SEMA4F: variants seen among roughly 807,000 people sequenced by gnomAD.
SEMA4F encodes the protein ssemaphorin 4F.
A neutral mutation model predicts 78.4 loss-of-function variants in SEMA4F; 51 were observed. The observed-to-expected ratio is 0.65, with a 90% confidence interval of 0.52 to 0.82. The LOEUF (loss-of-function observed/expected upper bound fraction) is 0.82, where lower values mean the gene tolerates loss of function less well. Ranked by LOEUF, SEMA4F falls within the 40% of genes least tolerant of loss-of-function variation. The probability of loss-of-function intolerance (pLI) is 0.00; values close to 1 mark genes in which losing one functional copy is unlikely to be tolerated. For synonymous variants in SEMA4F, 418 were observed against 408.7 expected (o/e 1.02, Z -0.27); for missense variants, 938 against 1,014.4 (o/e 0.92, Z 1.02).
the SEMA4F span, among the ~76,000 whole-genome samples, chr2:74,696,596 C>G: frequency 2.0e-5 from 3 of 152,114 alleles, no homozygotes; most frequent in Admixed American, 1.3e-4. Flanking sequence ...GATAAAAAAA[C>G]TACCAGTTGG....
At chr2:74,689,137 A>G in the SEMA4F span, among the ~76,000 whole-genome samples, 1 of 152,216 alleles carries the variant, frequency 6.6e-6, no homozygotes, top group Admixed American at 6.5e-5. Context: ...CAGCTTGAGA[A>G]ACAGGTTTGG....
chr2:74,694,409 T>C, the SEMA4F span, among the ~76,000 whole-genome samples: 1 of 152,174 alleles, frequency 6.6e-6, no homozygotes, highest in East Asian at 1.9e-4. Flanking sequence ...TTTTGAACTC[T>C]TTTTACAAAA....
rs1295664638 is a variant in SEMA4F, at chr2:74,675,039, A to G, written c.1149+4A>G. ...GCCCCAGCCCAGACCTGGAGAGGTGAGGGGGCAGATCTTCATTCTAGGCCT... is the reference window on the plus strand; with the variant it reads ...GCCCCAGCCCAGACCTGGAGAGGTGGGGGGGCAGATCTTCATTCTAGGCCT... On this transcript the variant is annotated splice_donor_region_variant and intron_variant, in intron 9 of 13. Coordinates refer to ENST00000357877, the MANE Select transcript of SEMA4F (RefSeq NM_004263.5). The G allele has an allele frequency of 4.3e-6, 7 of 1,613,984 alleles. No individual in the cohort carries two copies. Among genetic ancestry groups the G allele is most frequent in the East Asian group, 2.2e-5 (1 of 44,870 alleles).
the SEMA4F span, among the ~76,000 whole-genome samples, chr2:74,706,199 TTA>T: frequency 5.3e-5 from 8 of 152,218 alleles, no homozygotes; most frequent in Admixed American, 3.9e-4. Context: ...GCATGGGATA[TTA>T]TGTTTCCAGT....
intron 1 of SEMA4F, among the ~76,000 whole-genome samples, chr2:74,654,723 C>G (rs1277586345): frequency 1.3e-5 from 2 of 152,204 alleles, no homozygotes; most frequent in Non-Finnish European, 2.9e-5. Flanking sequence ...CCCTCAGCCC[C>G]TCATCCCCAG....
chr2:74,676,889 G>T (rs912238633), intron 12 of SEMA4F, among the ~76,000 whole-genome samples: 28 of 152,002 alleles, frequency 1.8e-4, no homozygotes, highest in African/African-American at 6.8e-4. Flanking sequence ...TACTAGATAA[G>T]GAGTTTTTTG....
rs758283049 is a variant in SEMA4F at position 74,679,999 on chromosome 2, C to A, written c.2103C>A (p.Asp701Glu). The A allele has an allele frequency of 1.2e-6, 2 of 1,614,176 alleles. No homozygotes were observed. The highest frequency in any genetic ancestry group is 4.5e-5 in the East Asian group (2 of 44,878). The change falls in exon 14 of 14, where the codon GAC becomes GAA. Residue 701 changes from aspartate to glutamate, a missense_variant. Asp to Glu is a conservative substitution (Grantham distance 45). Coordinates refer to ENST00000357877, the MANE Select transcript of SEMA4F (RefSeq NM_004263.5). The part of the protein sequence containing the change: ...ELLARDKVGL[D>E]LGAPPSGTTS... The stretch of plus-strand genomic sequence containing the variant: ...TGGCTAGAGACAAGGTGGGCCTGGA[C>A]CTGGGGGCTCCACCTTCTGGGACCA...
chr2:74,662,315 C>T (rs1318818625), intron 4 of SEMA4F, among the ~76,000 whole-genome samples: 9 of 152,138 alleles, frequency 5.9e-5, no homozygotes, highest in Admixed American at 4.6e-4. Flanking sequence ...CTAAGGTTTC[C>T]AGTCCTCAGG....
chr2:74,685,318 G>A (rs1352551197), downstream of SEMA4F, among the ~76,000 whole-genome samples: 1 of 152,148 alleles, frequency 6.6e-6, no homozygotes, highest in Non-Finnish European at 1.5e-5. Flanking sequence ...CCCCAGGATT[G>A]CAAGAAGGGC....
chr2:74,690,904 C>T, the SEMA4F span, among the ~76,000 whole-genome samples: 2 of 152,132 alleles, frequency 1.3e-5, no homozygotes, highest in South Asian at 4.1e-4. Context: ...TGTAGTTTTC[C>T]TTCCTTCTGT....
At chr2:74,656,169 TG>T (rs200869445) in intron 1 of SEMA4F, among the ~76,000 whole-genome samples, 2,233 of 151,962 alleles carry the variant, frequency 0.015, 26 homozygotes, top group Middle Eastern at 0.027. Context: ...CCACCTTGCC[TG>T]GCTAATTTTT....
intron 4 of SEMA4F, 87 bp from the exon 5 acceptor site, chr2:74,662,645 C>T: frequency 1.9e-6 from 2 of 1,077,548 alleles, no homozygotes; most frequent in Admixed American, 3.4e-5. Context: ...TGGGAATTGA[C>T]CTTTTCCTTC....
the SEMA4F span, among the ~76,000 whole-genome samples, chr2:74,701,927 T>C: frequency 2.0e-5 from 3 of 152,152 alleles, no homozygotes; most frequent in Non-Finnish European, 4.4e-5. Context: ...ATTCCAGCCG[T>C]TGAGCAATTG....
At position 74,657,775 on chromosome 2, in the gene SEMA4F, A is replaced by G; in HGVS notation, c.358-78A>G. Reference sequence around the variant, plus strand: ...CCATCATCTCTGATCCCAAAGCTGCATCTAACTGTCCTGACGTTACCTTAC... The same window carrying G: ...CCATCATCTCTGATCCCAAAGCTGCGTCTAACTGTCCTGACGTTACCTTAC... On this transcript the variant is annotated intron_variant, in intron 3 of 13. Coordinates refer to ENST00000357877, the MANE Select transcript of SEMA4F (RefSeq NM_004263.5). 4 of 1,446,856 alleles carry G rather than the reference A, an allele frequency of 2.8e-6. 1 individual carries two copies. The highest frequency in any genetic ancestry group is 2.3e-5 in the South Asian group (2 of 87,614). 89.6% of individuals were successfully genotyped at this position (1,446,856 alleles called of 1,614,324 possible). A position where few individuals can be genotyped will look rare whatever the true frequency, so the allele number is the denominator to read the frequency against.
chr2:74,683,270 A>G lies in SEMA4F; in HGVS notation c.*3061A>G, dbSNP rs1288466469. The G allele has an allele frequency of 6.6e-6, 1 of 152,220 alleles. No individual in the cohort carries two copies. Among genetic ancestry groups the G allele is most frequent in the East Asian group, 1.9e-4 (1 of 5,186 alleles). 9.4% of individuals were successfully genotyped at this position (152,220 alleles called of 1,614,324 possible). On this transcript the variant is annotated 3_prime_UTR_variant, in exon 14 of 14. Transcript: ENST00000357877. ...CATTAGGCACGTTGCATGTCTGTCA[A>G]GTAAGGGCCACTAATCACCTCACAT...
chr2:74,703,936 G>A, the SEMA4F span, among the ~76,000 whole-genome samples: 2 of 152,152 alleles, frequency 1.3e-5, no homozygotes, highest in Admixed American at 6.5e-5. Context: ...GAGCCCCAAA[G>A]AACACAGACA....
chr2:74,692,550 G>C, the SEMA4F span, among the ~76,000 whole-genome samples: 4 of 152,224 alleles, frequency 2.6e-5, no homozygotes, highest in Non-Finnish European at 5.9e-5. Flanking sequence ...AAAGGCTTCT[G>C]TTGGATGTGT....
In SEMA4F at chr2:74,674,934, A is replaced by G; in HGVS notation, c.1048A>G (p.Ile350Val). ...TGTCTGTGCCTTCCGACCACAAGAC[A>G]TTCGGACAGTGCTGAATGGTCCCTT... ...SAVCAFRPQD[I>V]RTVLNGPFRE... Residue 350 changes from isoleucine (I) to valine (V), a missense_variant, in exon 9 of 14, where the codon ATT becomes GTT. Physicochemically the swap from Ile to Val is conservative, Grantham distance 29 (BLOSUM62 3). Coordinates refer to ENST00000357877, the MANE Select transcript of SEMA4F (RefSeq NM_004263.5). 6.2e-7 allele frequency: 1 copy of G among 1,614,012 alleles called. No individual in the cohort carries two copies. The highest frequency in any genetic ancestry group is 8.5e-7 in the Non-Finnish European group (1 of 1,180,006).
At chr2:74,684,260 A>G (rs1471366809), downstream of SEMA4F, among the ~76,000 whole-genome samples, 1 of 152,080 alleles carries the variant, frequency 6.6e-6, no homozygotes, top group Non-Finnish European at 1.5e-5. Flanking sequence ...TACCTCTACA[A>G]AGGTTTGTAA....
Sources: gnomAD v4.1 joint callset for allele counts (sites outside exome capture counted in the v4.1 genomes callset) on GRCh38, gnomAD v4.1.1 for gene constraint, MANE v1.5 for transcripts, NCBI Gene and HGNC (gene_info 2026-07-23, HGNC 2026-07-21) for gene names.